Variants in C9 observed in about 807,000 individuals in gnomAD.
C9 encodes complement component C9.
A neutral mutation model predicts 65.4 loss-of-function variants in C9; 63 were observed. The ratio of observed to expected loss-of-function variants is 0.96; its 90% CI spans 0.79 to 1.19. The LOEUF is 1.19. C9 is among the 50% of genes most tolerant of loss of function. The probability of loss-of-function intolerance (pLI) is 0.00; values close to 1 mark genes in which losing one functional copy is unlikely to be tolerated. For missense variants in C9, 744 were observed against 670.1 expected (o/e 1.11, Z -1.22); for synonymous variants, 229 against 227.9 (o/e 1.00, Z -0.04).
At position 39,341,549 on chromosome 5, in the gene C9, A is replaced by T; in HGVS notation, c.328+7T>A. The T allele has an allele frequency of 3.1e-6, 5 of 1,613,862 alleles. No individual in the cohort carries two copies. Among genetic ancestry groups the T allele is most frequent in the Non-Finnish European group, 4.2e-6 (5 of 1,179,768 alleles). ...GCCACAATGAGCAATTCAAGCACAA[A>T]GATTACCTGTACTGCATTGAAAGTC... On this transcript the variant is annotated splice_region_variant and intron_variant, in intron 3 of 10. Transcript: ENST00000263408.
chr5:39,351,922 T>C (rs1254257747), intron 1 of C9, among the ~76,000 whole-genome samples: 5 of 152,236 alleles, frequency 3.3e-5, no homozygotes, highest in Admixed American at 3.3e-4. Flanking sequence ...CCCGCTCTTG[T>C]TACCAATTTT....
intron 5 of C9, among the ~76,000 whole-genome samples, chr5:39,319,907 C>T (rs1753637976): frequency 6.6e-6 from 1 of 152,136 alleles, no homozygotes; most frequent in South Asian, 2.1e-4. Context: ...AGGCCTTCCC[C>T]AGTGAACCAA....
intron 5 of C9, among the ~76,000 whole-genome samples, chr5:39,320,387 C>A (rs912745905): frequency 6.6e-6 from 1 of 151,958 alleles, no homozygotes; most frequent in Non-Finnish European, 1.5e-5. Flanking sequence ...AAGAACAGAG[C>A]TGAAAAATTT....
chr5:39,344,821 C>A (rs925814926), intron 1 of C9, among the ~76,000 whole-genome samples: 1 of 152,208 alleles, frequency 6.6e-6, no homozygotes, highest in Non-Finnish European at 1.5e-5. Flanking sequence ...AACAGCAGAT[C>A]TCTCGGCAGA....
In C9 at chr5:39,311,249, TC is replaced by T; in HGVS notation, c.998del (p.Gly333GlufsTer20). The T allele has an allele frequency of 6.2e-7, 1 of 1,613,842 alleles. No homozygotes were observed. The highest frequency in any genetic ancestry group is 1.3e-5 in the African/African-American group (1 of 75,020). The part of the protein sequence containing the change: ...IKALPTTYEK[G>X]EYFAFLETYG... ...AGGTTTCCAAAAAGGCAAAATATTC[TC>T]CCTTTTCATAGGTAGTTGGCAAAGC... On this transcript the variant is annotated frameshift_variant, in exon 7 of 11. Transcript: ENST00000263408. LOFTEE classifies it high-confidence loss of function.
rs187669389 is a variant in C9 at position 39,292,492 on chromosome 5, T to A, written c.1417-3541A>T. 2.2e-3 allele frequency among the ~76,000 whole-genome samples: 335 copies of A among 151,770 alleles called. 1 individual carries two copies. The highest frequency in any genetic ancestry group is 0.017 in the South Asian group (83 of 4,818). On this transcript the variant is annotated intron_variant, in intron 9 of 10. Transcript: ENST00000263408. ...ACACTAAAAGAAATGCCAAAGGAAA[T>A]TTTTCAGGCAGAAGAATTACCACAA...
chr5:39,341,048 G>T, intron 4 of C9, 98 bp downstream of exon 4: 1 of 1,310,360 alleles, frequency 7.6e-7, no homozygotes, highest in Non-Finnish European at 1.1e-6. Flanking sequence ...TATCACCTAT[G>T]TCCCTCGCAC....
intron 9 of C9, among the ~76,000 whole-genome samples, chr5:39,296,838 A>G (rs1753193313): frequency 6.6e-6 from 1 of 151,582 alleles, no homozygotes; most frequent in Admixed American, 6.6e-5. Context: ...AGAAAGAGAA[A>G]GCTAAACACC....
chr5:39,345,400 C>G (rs1291345307), intron 1 of C9, among the ~76,000 whole-genome samples: 1 of 151,994 alleles, frequency 6.6e-6, no homozygotes, highest in Non-Finnish European at 1.5e-5. Flanking sequence ...AGACTTTAAA[C>G]CAAAAAAGAT....
At position 39,318,922 on chromosome 5, in the gene C9, T is replaced by C. The variant is rs76716080; in HGVS notation, c.616-2893A>G. On this transcript the variant is annotated intron_variant, in intron 5 of 10. Coordinates refer to ENST00000263408, the MANE Select transcript of C9 (RefSeq NM_001737.5). The stretch of plus-strand genomic sequence containing the variant: ...TGACTTTAATATAGTCTAAACTAGA[T>C]TTATTTCTAGTCAATCTCTCCCTAA... 1.0e-2 allele frequency among the ~76,000 whole-genome samples: 1,521 copies of C among 152,262 alleles called. 26 individuals carry two copies. The highest frequency in any genetic ancestry group is 0.035 in the African/African-American group (1,449 of 41,564).
At position 39,345,634 on chromosome 5, in the gene C9, G is replaced by A. The variant is rs562788028; in HGVS notation, c.78-3438C>T. Among the ~76,000 whole-genome samples the A allele has an allele frequency of 2.0e-5, 3 of 152,286 alleles. No individual in the cohort carries two copies. The South Asian group carries it at 6.2e-4, about 32-fold the overall frequency. ...ATCAGTGAGACAGAAAGTTAACAAG[G>A]ATATCCAGGAATTTAACTCAGCTCT... On this transcript the variant is annotated intron_variant, in intron 1 of 10. Transcript: ENST00000263408.
intron 9 of C9, among the ~76,000 whole-genome samples, chr5:39,303,767 T>G (rs1220545354): frequency 6.6e-6 from 1 of 152,034 alleles, no homozygotes; most frequent in Non-Finnish European, 1.5e-5. Context: ...TTGTGTGGGC[T>G]TTCTCTGGTT....
chr5:39,317,121 GT>G (rs1480338054), intron 5 of C9, among the ~76,000 whole-genome samples: 1 of 152,038 alleles, frequency 6.6e-6, no homozygotes. Flanking sequence ...TTTTTCATAT[GT>G]TTGTTGGCCA....
chr5:39,334,266 C>T (rs1257451001), intron 4 of C9, among the ~76,000 whole-genome samples: 1 of 151,752 alleles, frequency 6.6e-6, no homozygotes, highest in African/African-American at 2.4e-5. Context: ...GCCCTGCCGC[C>T]CCGTCTGGGA....
intron 1 of C9, among the ~76,000 whole-genome samples, chr5:39,353,942 A>G (rs1242435137): frequency 6.6e-6 from 1 of 152,128 alleles, no homozygotes; most frequent in African/African-American, 2.4e-5. Flanking sequence ...CTAGGCCTGT[A>G]TCTCTCTAGG....
intron 1 of C9, among the ~76,000 whole-genome samples, chr5:39,346,088 C>T (rs1754188372): frequency 6.6e-6 from 1 of 152,082 alleles, no homozygotes; most frequent in Non-Finnish European, 1.5e-5. Context: ...AAAATTGACA[C>T]CCTAACATCA....
chr5:39,313,180 C>T (rs1350178911), intron 6 of C9, among the ~76,000 whole-genome samples: 1 of 152,126 alleles, frequency 6.6e-6, no homozygotes, highest in African/African-American at 2.4e-5. Flanking sequence ...GCTTGCCTGA[C>T]CAGCCACTAC....
At chr5:39,321,889 G>C (rs1474416292) in intron 5 of C9, among the ~76,000 whole-genome samples, 1 of 152,014 alleles carries the variant, frequency 6.6e-6, no homozygotes, top group Non-Finnish European at 1.5e-5. Flanking sequence ...GAGACAAACT[G>C]CAATAAAATA....
chr5:39,348,740 T>C (rs1754258155), intron 1 of C9, among the ~76,000 whole-genome samples: 1 of 152,210 alleles, frequency 6.6e-6, no homozygotes, highest in Admixed American at 6.5e-5. Flanking sequence ...ATTGTGGCAC[T>C]ATTCACAATA....
Sources: gnomAD v4.1 joint callset for allele counts (sites outside exome capture counted in the v4.1 genomes callset) on GRCh38, gnomAD v4.1.1 for gene constraint, MANE v1.5 for transcripts, NCBI Gene and HGNC (gene_info 2026-07-23, HGNC 2026-07-21) for gene names.